MEGF11: variants seen among roughly 807,000 people sequenced by gnomAD.
MEGF11 encodes multiple EGF like domains 11.
Under a neutral mutation model 146.6 loss-of-function variants are expected in MEGF11, and 126 were observed. The ratio of observed to expected loss-of-function variants is 0.86; its 90% CI spans 0.74 to 1.00. The LOEUF is 1.00. MEGF11 is among the 50% of genes least tolerant of loss of function. The pLI is 0.00. For synonymous variants in MEGF11, 532 were observed against 583.4 expected (o/e 0.91, Z 1.27); for missense variants, 1,509 against 1,521.2 (o/e 0.99, Z 0.13).
intron 1 of MEGF11, among the ~76,000 whole-genome samples, chr15:66,234,589 C>A (rs2092048864): frequency 1.3e-5 from 2 of 152,318 alleles, no homozygotes; most frequent in Middle Eastern, 6.8e-3. Context: ...GGCCCAGGCC[C>A]AGGCCCACCA....
intron 4 of MEGF11, among the ~76,000 whole-genome samples, chr15:66,095,961 C>T (rs191300090): frequency 6.2e-4 from 95 of 152,328 alleles, no homozygotes; most frequent in Non-Finnish European, 1.2e-3. Context: ...GTGCTGCTCA[C>T]GCGGCAGCTA....
chr15:66,233,951 C>CTTTTTTT (rs57240560), intron 1 of MEGF11, among the ~76,000 whole-genome samples: 47 of 119,884 alleles, frequency 3.9e-4, no homozygotes, highest in African/African-American at 5.5e-4. Context: ...TTTTCTTTTT[C>CTTTTTTT]TTTTTTTTTT....
chr15:65,929,896 A>G lies in MEGF11; in HGVS notation c.1409-13T>C, dbSNP rs553172065. On this transcript the variant is annotated splice_polypyrimidine_tract_variant and intron_variant, in intron 11 of 25. Transcript: ENST00000395614. ...AGGCCCTGCCACCCTGAGGGGAGGG[A>G]AAGGGACTGTCACTTCTCCATCCAG... 5.7e-6 allele frequency: 9 copies of G among 1,589,956 alleles called. No homozygotes were observed. In the South Asian group the frequency reaches 8.0e-5, roughly 14 times the overall value.
chr15:66,051,429 G>A (rs1293887504), intron 5 of MEGF11, among the ~76,000 whole-genome samples: 1 of 152,158 alleles, frequency 6.6e-6, no homozygotes, highest in Non-Finnish European at 1.5e-5. Context: ...GTCCACCCCA[G>A]ACCTACCAGG....
intron 5 of MEGF11, among the ~76,000 whole-genome samples, chr15:66,067,788 T>TA (rs1182522640): frequency 6.6e-6 from 1 of 152,256 alleles, no homozygotes; most frequent in Non-Finnish European, 1.5e-5. Context: ...GTCAGGTCAT[T>TA]ACTGGCTGGT....
intron 2 of MEGF11, among the ~76,000 whole-genome samples, chr15:66,127,690 C>T (rs1257910535): frequency 6.6e-6 from 1 of 152,198 alleles, no homozygotes; most frequent in Non-Finnish European, 1.5e-5. Flanking sequence ...ATACTTTAAC[C>T]TTGTGCTTCA....
At chr15:66,008,345 C>A (rs144892854) in intron 5 of MEGF11, among the ~76,000 whole-genome samples, 6 of 151,562 alleles carry the variant, frequency 4.0e-5, no homozygotes, top group Admixed American at 2.6e-4. Flanking sequence ...ATTTTCCCAG[C>A]GTCACTTGAG....
At chr15:65,935,782 T>C (rs1004490672) in intron 10 of MEGF11, among the ~76,000 whole-genome samples, 3 of 152,214 alleles carry the variant, frequency 2.0e-5, no homozygotes, top group African/African-American at 7.2e-5. Context: ...TCAGTACCAA[T>C]GCATACCAGG....
intron 5 of MEGF11, among the ~76,000 whole-genome samples, chr15:66,015,402 CTTG>C (rs1489575728): frequency 6.6e-6 from 1 of 152,228 alleles, no homozygotes; most frequent in African/African-American, 2.4e-5. Flanking sequence ...CATCTAACCT[CTTG>C]TTGAATGTTA....
intron 1 of MEGF11, among the ~76,000 whole-genome samples, chr15:66,187,462 G>A (rs532039368): frequency 2.7e-4 from 41 of 152,320 alleles, no homozygotes; most frequent in African/African-American, 9.4e-4. Context: ...AAGTCCTGTC[G>A]ACAACCCTGA....
At chr15:65,936,281 G>A (rs866634952) in intron 10 of MEGF11, among the ~76,000 whole-genome samples, 1 of 152,202 alleles carries the variant, frequency 6.6e-6, no homozygotes, top group Non-Finnish European at 1.5e-5. Context: ...CTGGATGGTT[G>A]TGGTTGGCTC....
At chr15:65,932,298 G>A (rs1206801067) in intron 10 of MEGF11, among the ~76,000 whole-genome samples, 6 of 152,118 alleles carry the variant, frequency 3.9e-5, no homozygotes, top group Admixed American at 3.9e-4. Flanking sequence ...AGGTGAGTTG[G>A]CTAACTTGGA....
At chr15:66,125,448 C>A (rs956267607) in intron 2 of MEGF11, among the ~76,000 whole-genome samples, 4 of 152,122 alleles carry the variant, frequency 2.6e-5, no homozygotes, top group Admixed American at 1.3e-4. Flanking sequence ...GGAGCGTGCA[C>A]GGGCCCTGGA....
At chr15:66,240,875 T>C (rs2092195455) in intron 1 of MEGF11, among the ~76,000 whole-genome samples, 1 of 152,188 alleles carries the variant, frequency 6.6e-6, no homozygotes, top group Non-Finnish European at 1.5e-5. Context: ...TGGATTTGTG[T>C]CTTCCGTGGC....
intron 7 of MEGF11, chr15:65,970,935 A>C: frequency 3.8e-6 from 2 of 532,708 alleles, no homozygotes; most frequent in South Asian, 4.6e-5. Context: ...TGTGTGAGAC[A>C]CTAGGGGTGA....
At chr15:66,121,088 A>AG (rs2088001095) in intron 3 of MEGF11, among the ~76,000 whole-genome samples, 1 of 152,214 alleles carries the variant, frequency 6.6e-6, no homozygotes, top group Non-Finnish European at 1.5e-5. Flanking sequence ...GAAAGCTGCA[A>AG]GGCAACTTAA....
At chr15:66,039,297 C>T (rs1484645897) in intron 5 of MEGF11, among the ~76,000 whole-genome samples, 1 of 152,138 alleles carries the variant, frequency 6.6e-6, no homozygotes, top group Admixed American at 6.5e-5. Context: ...CACCCACTCC[C>T]AGAGGTGGCG....
chr15:66,236,284 T>C (rs1000009234), intron 1 of MEGF11, among the ~76,000 whole-genome samples: 7 of 152,158 alleles, frequency 4.6e-5, no homozygotes, highest in African/African-American at 1.7e-4. Context: ...GTGAGGCTGC[T>C]GGGCCTTGAC....
intron 1 of MEGF11, among the ~76,000 whole-genome samples, chr15:66,216,656 A>G (rs1464808396): frequency 6.6e-6 from 1 of 152,210 alleles, no homozygotes; most frequent in Non-Finnish European, 1.5e-5. Flanking sequence ...ACCCTGGTCC[A>G]ACCTGGAAGC....
Sources: gnomAD v4.1 joint callset for allele counts (sites outside exome capture counted in the v4.1 genomes callset) on GRCh38, gnomAD v4.1.1 for gene constraint, MANE v1.5 for transcripts, NCBI Gene and HGNC (gene_info 2026-07-23, HGNC 2026-07-21) for gene names.